RYR2: variants seen among roughly 807,000 people sequenced by gnomAD.
The protein encoded by RYR2 is ryanodine receptor 2.
A neutral mutation model predicts 601.1 loss-of-function variants in RYR2; 227 were observed. The ratio of observed to expected loss-of-function variants is 0.38; its 90% CI spans 0.34 to 0.42. RYR2 has a LOEUF of 0.42. RYR2 is among the 10% of genes least tolerant of loss of function. RYR2 has a pLI of 1.00. For missense variants in RYR2, 4,646 were observed against 6,156.5 expected, an observed-to-expected ratio of 0.75 and a Z score of 8.21; for synonymous variants, 2,223 against 2,175.1, an observed-to-expected ratio of 1.02 and a Z score of -0.61.
At chr1:237,512,599 A>G (rs1027995171) in intron 24 of RYR2, among the ~76,000 whole-genome samples, 1 of 152,234 alleles carries the variant, frequency 6.6e-6, no homozygotes, top group Admixed American at 6.5e-5. Context: ...TCAGCTGGGC[A>G]TAGTGACTCG....
At chr1:237,616,898 C>T (rs1042020783) in intron 37 of RYR2, among the ~76,000 whole-genome samples, 1 of 152,094 alleles carries the variant, frequency 6.6e-6, no homozygotes, top group African/African-American at 2.4e-5. Flanking sequence ...TGCAGGGGAA[C>T]TTCCATTTAT....
intron 2 of RYR2, among the ~76,000 whole-genome samples, chr1:237,288,244 T>G (rs1691777804): frequency 6.6e-6 from 1 of 151,930 alleles, no homozygotes; most frequent in Non-Finnish European, 1.5e-5. Context: ...TCCATAAGGG[T>G]TCTTTGCTTT....
chr1:237,331,438 G>T (rs990867632), intron 3 of RYR2, among the ~76,000 whole-genome samples: 3 of 152,082 alleles, frequency 2.0e-5, no homozygotes, highest in African/African-American at 7.2e-5. Flanking sequence ...CCAAATTTTG[G>T]TGATATGGCT....
chr1:237,089,861 G>A lies in RYR2; in HGVS notation c.48+47292G>A, dbSNP rs115499831. On this transcript the variant is annotated intron_variant, in intron 1 of 104. Coordinates refer to ENST00000366574, the MANE Select transcript of RYR2 (RefSeq NM_001035.3). ...CTGCAGAGATGAGTTTATAAGGCTGGTGTGGTCGGCTGAATAAGGGCCTGT... is the reference window on the plus strand; with the variant it reads ...CTGCAGAGATGAGTTTATAAGGCTGATGTGGTCGGCTGAATAAGGGCCTGT... Among the ~76,000 whole-genome samples, 320 of 152,276 alleles carry A rather than the reference G, an allele frequency of 2.1e-3. 1 individual carries two copies. The highest frequency in any genetic ancestry group is 6.9e-3 in the African/African-American group (286 of 41,568).
At chr1:237,744,968 A>G (rs933162453) in intron 80 of RYR2, among the ~76,000 whole-genome samples, 2 of 150,888 alleles carry the variant, frequency 1.3e-5, no homozygotes, top group East Asian at 4.0e-4. Flanking sequence ...GGCTAAGCTA[A>G]TTTTTTGTAT....
chr1:237,653,575 G>T (rs780307081), intron 51 of RYR2, among the ~76,000 whole-genome samples: 2 of 152,126 alleles, frequency 1.3e-5, no homozygotes, highest in African/African-American at 2.4e-5. Context: ...TGTCTTAGCC[G>T]GGGTTCTCTA....
At chr1:237,565,175 C>T (rs1208648966) in intron 27 of RYR2, among the ~76,000 whole-genome samples, 4 of 97,300 alleles carry the variant, frequency 4.1e-5, no homozygotes, top group Admixed American at 2.3e-4. Flanking sequence ...TTCTTTCTTT[C>T]TTTCTTTCTT....
intron 1 of RYR2, among the ~76,000 whole-genome samples, chr1:237,189,982 C>T (rs1298283840): frequency 6.6e-6 from 1 of 151,584 alleles, no homozygotes; most frequent in Non-Finnish European, 1.5e-5. Flanking sequence ...AAGTGATTTT[C>T]CTGCCTCAGC....
intron 3 of RYR2, among the ~76,000 whole-genome samples, chr1:237,355,188 T>C (rs1699191321): frequency 6.6e-6 from 1 of 152,140 alleles, no homozygotes; most frequent in Non-Finnish European, 1.5e-5. Flanking sequence ...ACACCAATTA[T>C]ACATTCTATA....
chr1:237,499,927 C>T (rs775598038), intron 20 of RYR2, among the ~76,000 whole-genome samples: 19 of 152,058 alleles, frequency 1.2e-4, no homozygotes, highest in Non-Finnish European at 2.6e-4. Flanking sequence ...AGGAGTTCTT[C>T]GAATCAGGAA....
intron 27 of RYR2, among the ~76,000 whole-genome samples, chr1:237,557,585 G>A (rs1671035777): frequency 6.6e-6 from 1 of 150,532 alleles, no homozygotes; most frequent in Non-Finnish European, 1.5e-5. Flanking sequence ...TTAAATTAAA[G>A]AATGATTCTA....
Position 237,589,806 on chromosome 1 carries a change from G to T in RYR2, c.3612G>T (p.Val1204=), listed in dbSNP as rs1315140794. Residue 1204 remains valine (V), a synonymous_variant, in exon 30 of 105, where the codon GTG becomes GTT. Coordinates refer to ENST00000366574, the MANE Select transcript of RYR2 (RefSeq NM_001035.3). ...TTTTCTTCCCAGGATTCATACCTGT[G>T]TGTAGCCTTGGAGTGGCTCAAGTGG... ...DFDVGDGFIP[V]CSLGVAQVGR... 6.2e-7 allele frequency: 1 copy of T among 1,613,656 alleles called. No individual in the cohort carries two copies. The highest frequency in any genetic ancestry group is 8.5e-7 in the Non-Finnish European group (1 of 1,179,794).
At chr1:237,679,366 T>G (rs1029900891) in intron 61 of RYR2, among the ~76,000 whole-genome samples, 1 of 152,204 alleles carries the variant, frequency 6.6e-6, no homozygotes, top group African/African-American at 2.4e-5. Context: ...AGTCACTAAA[T>G]TCAAGCAATG....
chr1:237,498,385 C>T (rs1325139643), intron 20 of RYR2, among the ~76,000 whole-genome samples: 1 of 151,932 alleles, frequency 6.6e-6, no homozygotes, highest in African/African-American at 2.4e-5. Flanking sequence ...GAGAAAGAGC[C>T]CTAACTTCAG....
intron 10 of RYR2, among the ~76,000 whole-genome samples, chr1:237,411,278 T>A (rs1704426081): frequency 3.9e-5 from 6 of 152,152 alleles, no homozygotes; most frequent in Admixed American, 3.9e-4. Flanking sequence ...ATAATGTGTT[T>A]ATTATTTTTT....
chr1:237,463,808 G>C lies in RYR2; in HGVS notation c.1613-5284G>C, dbSNP rs543058657. On this transcript the variant is annotated intron_variant, in intron 16 of 104. Transcript: ENST00000366574. ...CCATACCAAGTTGCCATTGCACTTC[G>C]AAGATGACAGTGGTGCTCTGAGACA... Among the ~76,000 whole-genome samples the C allele has an allele frequency of 5.3e-5, 8 of 152,228 alleles. No individual in the cohort carries two copies. The South Asian group carries it at 1.7e-3, about 32-fold the overall frequency.
At chr1:237,749,417 C>T (rs1692353208) in intron 80 of RYR2, among the ~76,000 whole-genome samples, 2 of 148,014 alleles carry the variant, frequency 1.4e-5, no homozygotes, top group African/African-American at 2.4e-5. Context: ...ATCACATAAC[C>T]ATCTCTAAAT....
At chr1:237,520,158 C>T (rs1666952661) in intron 24 of RYR2, among the ~76,000 whole-genome samples, 1 of 152,176 alleles carries the variant, frequency 6.6e-6, no homozygotes, top group Admixed American at 6.5e-5. Flanking sequence ...ATTGATTTTA[C>T]ATGCTGCAAC....
chr1:237,436,454 CTTTTTTTTTT>C lies in RYR2; in HGVS notation c.1006-4850_1006-4841del, dbSNP rs551140501. 1.0e-4 allele frequency among the ~76,000 whole-genome samples: 5 copies of C among 48,728 alleles called. No individual in the cohort carries two copies. The East Asian group carries it at 2.4e-3, about 23-fold the overall frequency. 32.0% of individuals were successfully genotyped at this position (48,728 alleles called of 152,430 possible). A position where few individuals can be genotyped will look rare whatever the true frequency, so the allele number is the denominator to read the frequency against. On this transcript the variant is annotated intron_variant, in intron 12 of 104. Coordinates refer to ENST00000366574, the MANE Select transcript of RYR2 (RefSeq NM_001035.3). The stretch of plus-strand genomic sequence containing the variant: ...AGCCGAGGGATAATGTGTGATTTTC[CTTTTTTTTTT>C]TTTTTTTTTTTTTTGCATTTCTGTC...
Sources: allele counts gnomAD v4.1 joint callset (sites outside exome capture counted in the v4.1 genomes callset), GRCh38; gene constraint gnomAD v4.1.1; transcripts MANE v1.5; gene names NCBI Gene and HGNC (gene_info 2026-07-23, HGNC 2026-07-21).